Variants in KIAA0232 observed in about 807,000 individuals in gnomAD.
The protein encoded by KIAA0232 is uncharacterized protein KIAA0232.
Under a neutral mutation model 122.0 loss-of-function variants are expected in KIAA0232, and 27 were observed. That is an observed-to-expected ratio of 0.22 (90% CI 0.16 to 0.31). The LOEUF is 0.31. KIAA0232 is among the 10% of genes least tolerant of loss of function. The pLI is 1.00. For missense variants in KIAA0232, 1,551 were observed against 1,634.2 expected (o/e 0.95, Z 0.88); for synonymous variants, 613 against 587.6 (o/e 1.04, Z -0.63).
At chr4:6,814,991 TG>T (rs1376816626) in intron 2 of KIAA0232, among the ~76,000 whole-genome samples, 2 of 151,968 alleles carry the variant, frequency 1.3e-5, no homozygotes, top group African/African-American at 4.8e-5. Flanking sequence ...AAAGATAAGA[TG>T]ATTTGAAGGT....
intron 1 of KIAA0232, among the ~76,000 whole-genome samples, chr4:6,787,668 C>T (rs1716689957): frequency 6.6e-6 from 1 of 152,226 alleles, no homozygotes; most frequent in African/African-American, 2.4e-5. Context: ...CCCCTACCCT[C>T]CCTGAAGCTC....
intron 1 of KIAA0232, among the ~76,000 whole-genome samples, chr4:6,783,556 G>T (rs550148482): frequency 6.6e-5 from 10 of 152,216 alleles, no homozygotes; most frequent in African/African-American, 1.9e-4. Flanking sequence ...CGTTCCCTCC[G>T]TTCCCCTCCC....
intron 7 of KIAA0232, among the ~76,000 whole-genome samples, chr4:6,865,483 T>C (rs1396068147): frequency 6.6e-6 from 1 of 152,222 alleles, no homozygotes; most frequent in African/African-American, 2.4e-5. Flanking sequence ...GTATTTTTAG[T>C]AGAGACGGGG....
At chr4:6,786,538 G>A (rs911283093) in intron 1 of KIAA0232, among the ~76,000 whole-genome samples, 7 of 152,108 alleles carry the variant, frequency 4.6e-5, no homozygotes, top group African/African-American at 1.7e-4. Flanking sequence ...GAACTCCTGG[G>A]CTCAAGCAAT....
At chr4:6,846,100 T>TAAAA (rs34790054) in intron 4 of KIAA0232, among the ~76,000 whole-genome samples, 3 of 149,822 alleles carry the variant, frequency 2.0e-5, no homozygotes, top group South Asian at 4.2e-4. Flanking sequence ...TCATTTTATT[T>TAAAA]AAAAAAAAAA....
At chr4:6,865,810 A>C (rs965784239) in intron 7 of KIAA0232, among the ~76,000 whole-genome samples, 2 of 151,818 alleles carry the variant, frequency 1.3e-5, no homozygotes, top group African/African-American at 4.8e-5. Flanking sequence ...CTCCAGCCCC[A>C]CTCTGCATCA....
intron 1 of KIAA0232, among the ~76,000 whole-genome samples, chr4:6,802,171 A>C (rs980067774): frequency 6.6e-6 from 1 of 152,226 alleles, no homozygotes; most frequent in African/African-American, 2.4e-5. Context: ...ACTACCTTGC[A>C]TGCCCAATTA....
intron 7 of KIAA0232, among the ~76,000 whole-genome samples, chr4:6,865,538 T>G (rs1721128314): frequency 6.6e-6 from 1 of 152,232 alleles, no homozygotes; most frequent in Non-Finnish European, 1.5e-5. Context: ...TAACTTCAAG[T>G]GATCCACCTG....
At position 6,858,405 on chromosome 4, in the gene KIAA0232, TA is replaced by T; in HGVS notation, c.437-18del. On this transcript the variant is annotated intron_variant, in intron 5 of 9. Transcript: ENST00000307659. ...AACTAGATATAAGACAAATCTTTCT[TA>T]ATTTTTGTTTCATAACAGAAGAGAA... 1 of 1,476,222 alleles carries T rather than the reference TA, an allele frequency of 6.8e-7. No homozygotes were observed. Among genetic ancestry groups the T allele is most frequent in the Non-Finnish European group, 9.3e-7 (1 of 1,073,774 alleles). The allele number at this position is 1,476,222 out of a possible 1,614,324, so 91.4% of individuals were successfully genotyped here. A position where few individuals can be genotyped will look rare whatever the true frequency, so the allele number is the denominator to read the frequency against.
chr4:6,800,306 T>G (rs1717331840), intron 1 of KIAA0232, among the ~76,000 whole-genome samples: 1 of 146,686 alleles, frequency 6.8e-6, no homozygotes, highest in Non-Finnish European at 1.5e-5. Context: ...GATCTGCCTG[T>G]CTTGGCCTCC....
chr4:6,862,928 A>C lies in KIAA0232; in HGVS notation c.2546A>C (p.Glu849Ala), dbSNP rs375633609. 4 of 1,614,110 alleles carry C rather than the reference A, an allele frequency of 2.5e-6. No individual in the cohort carries two copies. The African/African-American group carries it at 4.0e-5, about 16-fold the overall frequency. The change falls in exon 7 of 10, where the codon GAG becomes GCG. Residue 849 changes from glutamate (E) to alanine (A), a missense_variant. Coordinates refer to ENST00000307659, the MANE Select transcript of KIAA0232 (RefSeq NM_014743.3). ...ATVEIERTDA[E>A]LFSADVNNYC... ...GTAGAAATAGAAAGAACTGATGCTG[A>C]GTTGTTTTCGGCAGATGTAAATAAC... is the stretch of plus-strand genomic sequence containing the variant.
At chr4:6,839,763 A>G (rs1719546509) in intron 3 of KIAA0232, among the ~76,000 whole-genome samples, 1 of 152,156 alleles carries the variant, frequency 6.6e-6, no homozygotes, top group Non-Finnish European at 1.5e-5. Context: ...CTAGAGACAA[A>G]AGACCTGTAG....
At chr4:6,788,967 CT>C (rs71646657) in intron 1 of KIAA0232, among the ~76,000 whole-genome samples, 10 of 149,788 alleles carry the variant, frequency 6.7e-5, no homozygotes, top group South Asian at 4.2e-4. Context: ...CATTTTCTTT[CT>C]TTTTTTTTTA....
chr4:6,846,077 T>A (rs1238963918), intron 4 of KIAA0232, among the ~76,000 whole-genome samples: 1 of 141,278 alleles, frequency 7.1e-6, no homozygotes, highest in Non-Finnish European at 1.5e-5. Flanking sequence ...GTACTTGTAT[T>A]GCTCTTTCCT....
At chr4:6,852,665 G>A (rs1385094144) in intron 4 of KIAA0232, among the ~76,000 whole-genome samples, 2 of 152,212 alleles carry the variant, frequency 1.3e-5, no homozygotes, top group East Asian at 1.9e-4. Context: ...AAACTTAGTG[G>A]CTTGAAACAA....
Position 6,855,476 on chromosome 4 carries a change from G to C in KIAA0232, c.370-1688G>C, listed in dbSNP as rs1022930366. The stretch of plus-strand genomic sequence containing the variant: ...GGTAGAGCTTGCTTTTACACAGAGA[G>C]TAAGGAGTAAGCTCTTATTTTGCTG... On this transcript the variant is annotated intron_variant, in intron 4 of 9. Transcript: ENST00000307659. The surrounding 1 kb of genome is among the most constrained non-coding windows in gnomAD (Gnocchi z 4.3). Among the ~76,000 whole-genome samples the C allele has an allele frequency of 2.6e-5, 4 of 152,062 alleles. No individual in the cohort carries two copies. The highest frequency in any genetic ancestry group is 7.2e-5 in the African/African-American group (3 of 41,400).
intron 6 of KIAA0232, 72 bp from the exon 7 acceptor site, chr4:6,860,829 T>G (rs779554956): frequency 2.4e-6 from 3 of 1,244,722 alleles, no homozygotes; most frequent in Non-Finnish European, 3.4e-6. Context: ...ATTCTTCTGG[T>G]TGGTAATGTT....
intron 7 of KIAA0232, chr4:6,866,241 C>G: frequency 1.0e-6 from 1 of 983,480 alleles, no homozygotes; most frequent in Non-Finnish European, 1.2e-6. Flanking sequence ...CATCATACCA[C>G]TACCATATTC....
At chr4:6,821,969 T>C (rs754408898) in intron 2 of KIAA0232, among the ~76,000 whole-genome samples, 10 of 152,224 alleles carry the variant, frequency 6.6e-5, no homozygotes, top group Non-Finnish European at 1.3e-4. Flanking sequence ...GTCATACTTA[T>C]CTTTTGTTTG....
Sources: allele counts gnomAD v4.1 joint callset (sites outside exome capture counted in the v4.1 genomes callset), GRCh38; gene constraint gnomAD v4.1.1; non-coding constraint Gnocchi (gnomAD v3.1); transcripts MANE v1.5; gene names NCBI Gene and HGNC (gene_info 2026-07-23, HGNC 2026-07-21).